FAM227A: variants seen among roughly 807,000 people sequenced by gnomAD.
The protein encoded by FAM227A is family with sequence similarity 227 member A.
A neutral mutation model predicts 74.7 loss-of-function variants in FAM227A; 80 were observed. That is an observed-to-expected ratio of 1.07 (90% CI 0.89 to 1.29). FAM227A has a LOEUF of 1.29. Ranked by LOEUF, FAM227A falls within the 50% of genes most tolerant of loss-of-function variation. The pLI, the probability that FAM227A is intolerant of heterozygous loss-of-function variation, is 0.00. For missense variants in FAM227A, 654 were observed against 683.4 expected, an observed-to-expected ratio of 0.96 and a Z score of 0.48; for synonymous variants, 237 against 241.8, an observed-to-expected ratio of 0.98 and a Z score of 0.19.
At chr22:38,590,001 C>A (rs1368307817) in intron 16 of FAM227A, among the ~76,000 whole-genome samples, 1 of 151,916 alleles carries the variant, frequency 6.6e-6, no homozygotes, top group Non-Finnish European at 1.5e-5. Flanking sequence ...AATCCCAGGG[C>A]TTTGGGAGGC....
chr22:38,636,871 A>C (rs2092018845), intron 5 of FAM227A, among the ~76,000 whole-genome samples: 1 of 151,268 alleles, frequency 6.6e-6, no homozygotes, highest in Non-Finnish European at 1.5e-5. Flanking sequence ...TCCTGGTTCA[A>C]GCAATTCTCC....
At position 38,610,427 on chromosome 22, in the gene FAM227A, T is replaced by C. The variant is rs1351130700; in HGVS notation, c.1039-2951A>G. ...GGTTTCAGTGACTAGACCCTCTTAC[T>C]TGCTGGAGAGGCAGCTTGCTGATGC... On this transcript the variant is annotated intron_variant, in intron 11 of 16. Coordinates refer to ENST00000535113, the MANE Select transcript of FAM227A (RefSeq NM_001013647.2). Among the ~76,000 whole-genome samples the C allele has an allele frequency of 2.0e-5, 3 of 152,318 alleles. No homozygotes were observed. In the East Asian group the frequency reaches 5.8e-4, roughly 29 times the overall value.
intron 15 of FAM227A, among the ~76,000 whole-genome samples, chr22:38,596,889 G>GA (rs1445697131): frequency 1.3e-5 from 2 of 151,692 alleles, no homozygotes; most frequent in East Asian, 3.9e-4. Context: ...TATGGGCCCA[G>GA]AAAAAAAAGA....
intron 16 of FAM227A, among the ~76,000 whole-genome samples, chr22:38,586,842 T>G (rs576830746): frequency 5.3e-5 from 8 of 152,082 alleles, no homozygotes; most frequent in African/African-American, 1.9e-4. Flanking sequence ...CTAATTTGTT[T>G]TTTGTATTTT....
At chr22:38,652,833 C>A (rs943751129) in intron 1 of FAM227A, among the ~76,000 whole-genome samples, 1 of 146,364 alleles carries the variant, frequency 6.8e-6, no homozygotes, top group African/African-American at 2.5e-5. Context: ...GCCGAGATCA[C>A]ACCACTTCAC....
intron 1 of FAM227A, 113 bp from the exon 2 acceptor site, chr22:38,650,375 G>A (rs780955063): frequency 4.3e-5 from 24 of 557,504 alleles, no homozygotes; most frequent in Non-Finnish European, 7.0e-5. Context: ...TGCCTGCATG[G>A]GGAATGAAAG....
intron 1 of FAM227A, among the ~76,000 whole-genome samples, chr22:38,654,342 G>A (rs1041844217): frequency 2.6e-5 from 4 of 151,072 alleles, no homozygotes; most frequent in South Asian, 2.1e-4. Context: ...AGCAAAACTC[G>A]GTCTCAAAAA....
At chr22:38,590,668 C>G (rs1214130367) in intron 16 of FAM227A, among the ~76,000 whole-genome samples, 3 of 152,190 alleles carry the variant, frequency 2.0e-5, no homozygotes, top group Non-Finnish European at 4.4e-5. Context: ...TCATACAGTT[C>G]ATGAAGTACA....
rs1318441508 is a variant in FAM227A at position 38,583,085 on chromosome 22, A to C, written c.*3040T>G. On this transcript the variant is annotated 3_prime_UTR_variant, in exon 17 of 17. Coordinates refer to ENST00000535113, the MANE Select transcript of FAM227A (RefSeq NM_001013647.2). ...TGACAGTGGCTGGGGTAGTAAAGGG[A>C]AGGTGAGAGAGTGTTCTGCTTATCT... is the stretch of plus-strand genomic sequence containing the variant. The C allele has an allele frequency of 6.3e-6, 6 of 954,120 alleles. No homozygotes were observed. The highest frequency in any genetic ancestry group is 9.4e-6 in the Non-Finnish European group (6 of 637,178). The allele number at this position is 954,120 out of a possible 1,614,324, so 59.1% of individuals were successfully genotyped here. A position where few individuals can be genotyped will look rare whatever the true frequency, so the allele number is the denominator to read the frequency against.
At chr22:38,643,684 C>T (rs1255885257) in intron 3 of FAM227A, among the ~76,000 whole-genome samples, 2 of 152,150 alleles carry the variant, frequency 1.3e-5, no homozygotes, top group Non-Finnish European at 2.9e-5. Flanking sequence ...TATGCCCACA[C>T]AAAGACCTGG....
intron 10 of FAM227A, among the ~76,000 whole-genome samples, chr22:38,622,220 C>T (rs2091704773): frequency 6.6e-6 from 1 of 152,246 alleles, no homozygotes; most frequent in African/African-American, 2.4e-5. Context: ...TCTCAACACA[C>T]TGCTTATGGG....
At chr22:38,649,996 C>T in intron 2 of FAM227A, 31 bp downstream of exon 2, 1 of 1,550,064 alleles carries the variant, frequency 6.5e-7, no homozygotes, top group Non-Finnish European at 8.7e-7. Context: ...TGTATTTGGT[C>T]TGATTGTAGG....
At chr22:38,611,572 C>T (rs538387903) in intron 11 of FAM227A, among the ~76,000 whole-genome samples, 1 of 152,226 alleles carries the variant, frequency 6.6e-6, no homozygotes, top group East Asian at 1.9e-4. Flanking sequence ...CAATACCAGT[C>T]GCGATGCCCA....
intron 3 of FAM227A, among the ~76,000 whole-genome samples, chr22:38,641,000 T>C (rs1169194908): frequency 6.6e-6 from 1 of 152,098 alleles, no homozygotes; most frequent in Non-Finnish European, 1.5e-5. Flanking sequence ...ATTTAAGGCA[T>C]GAGGAATGAA....
At chr22:38,650,395 T>C (rs2145744102) in intron 1 of FAM227A, 133 bp from the exon 2 acceptor site, 1 of 525,684 alleles carries the variant, frequency 1.9e-6, no homozygotes, top group East Asian at 3.2e-5. Context: ...GGGTTCCGTC[T>C]GAGAAGCCTA....
At chr22:38,589,223 T>A (rs1313818735) in intron 16 of FAM227A, among the ~76,000 whole-genome samples, 1 of 152,152 alleles carries the variant, frequency 6.6e-6, no homozygotes, top group African/African-American at 2.4e-5. Flanking sequence ...CACGGACTGC[T>A]GGCAACCGCA....
intron 10 of FAM227A, among the ~76,000 whole-genome samples, chr22:38,620,730 T>C (rs535538532): frequency 6.7e-6 from 1 of 149,194 alleles, no homozygotes; most frequent in African/African-American, 2.5e-5. Context: ...AATAGTGTGA[T>C]CCTGGGAGGT....
intron 11 of FAM227A, among the ~76,000 whole-genome samples, chr22:38,616,558 C>T (rs575765003): frequency 5.9e-5 from 9 of 151,524 alleles, no homozygotes; most frequent in African/African-American, 1.5e-4. Flanking sequence ...CCCACCTACT[C>T]GGGAGGCTGA....
At chr22:38,613,837 CT>C (rs1045177480) in intron 11 of FAM227A, among the ~76,000 whole-genome samples, 2 of 152,134 alleles carry the variant, frequency 1.3e-5, no homozygotes, top group Admixed American at 1.3e-4. Flanking sequence ...GATAAGAAAA[CT>C]GAGGTTCAGT....
Sources: allele counts gnomAD v4.1 joint callset (sites outside exome capture counted in the v4.1 genomes callset), GRCh38; gene constraint gnomAD v4.1.1; transcripts MANE v1.5; gene names NCBI Gene and HGNC (gene_info 2026-07-23, HGNC 2026-07-21).